Variants in TPRA1 observed in about 807,000 individuals in gnomAD.
TPRA1 encodes transmembrane protein adipocyte-associated 1.
In TPRA1, 28 loss-of-function variants were observed where a neutral mutation model predicts 40.1. The ratio of observed to expected loss-of-function variants is 0.70; its 90% CI spans 0.52 to 0.96. TPRA1 has a LOEUF of 0.96. Ranked by LOEUF, TPRA1 falls within the 40% of genes least tolerant of loss-of-function variation. The pLI, the probability that TPRA1 is intolerant of heterozygous loss-of-function variation, is 0.00. For missense variants in TPRA1, 441 were observed against 482.6 expected, an observed-to-expected ratio of 0.91 and a Z score of 0.81; for synonymous variants, 219 against 209.7, an observed-to-expected ratio of 1.04 and a Z score of -0.38.
chr3:127,595,288 A>T (rs1408634238), upstream of TPRA1, among the ~76,000 whole-genome samples: 1 of 152,030 alleles, frequency 6.6e-6, no homozygotes, highest in East Asian at 1.9e-4. Context: ...AGAACCTCTC[A>T]TCTGAGAAAA....
chr3:127,575,042 G>C, intron 10 of TPRA1, 143 bp downstream of exon 10: 1 of 841,698 alleles, frequency 1.2e-6, no homozygotes, highest in Non-Finnish European at 1.9e-6. Context: ...CTGTATGTGT[G>C]TGCCCAAGTG....
chr3:127,579,261 CA>C, intron 3 of TPRA1, among the ~76,000 whole-genome samples: 1 of 152,326 alleles, frequency 6.6e-6, no homozygotes, highest in Admixed American at 6.5e-5. Flanking sequence ...ATGCAGTGGG[CA>C]TTTTCCCCAC....
At chr3:127,589,800 C>T (rs528852833) in intron 1 of TPRA1, among the ~76,000 whole-genome samples, 1 of 152,316 alleles carries the variant, frequency 6.6e-6, no homozygotes, top group South Asian at 2.1e-4. Flanking sequence ...AGAACAAGGC[C>T]TGGCACGACA....
At chr3:127,589,007 T>C (rs115622485) in intron 1 of TPRA1, among the ~76,000 whole-genome samples, 4 of 151,986 alleles carry the variant, frequency 2.6e-5, no homozygotes, top group African/African-American at 9.6e-5. Flanking sequence ...TGAGAAGGGG[T>C]GGAGCCCAGG....
rs769384557 is a variant in TPRA1 at position 127,580,029 on chromosome 3, T to G, written c.118A>C (p.Thr40Pro). The G allele has an allele frequency of 5.1e-5, 83 of 1,613,294 alleles. No homozygotes were observed. Among genetic ancestry groups the G allele is most frequent in the Middle Eastern group, 3.3e-4 (2 of 6,084 alleles). The change falls in exon 2 of 11, where the codon ACC (threonine) becomes CCC (proline). Residue 40 changes from threonine to proline, a missense_variant. Coordinates refer to ENST00000355552, the MANE Select transcript of TPRA1 (RefSeq NM_001136053.4). The part of the protein sequence containing the change: ...CLLLLYEDIG[T>P]SRVRYWDLLL... ...GCGTTGTGACTGCCTCACCTGGAGG[T>G]GCCAATGTCTTCGTAGAGCAGCAGC...
At position 127,576,379 on chromosome 3, in the gene TPRA1, ACT is replaced by A. The variant is rs1317201168; in HGVS notation, c.498+236_498+237del. ...GCGGACCTGCACCATCCCTACCTGAACTCCTTATTAAAACGGCAAGTCCTGAG... is the reference window on the plus strand; with the variant it reads ...GCGGACCTGCACCATCCCTACCTGAACCTTATTAAAACGGCAAGTCCTGAG... On this transcript the variant is annotated intron_variant, in intron 6 of 10. Coordinates refer to ENST00000355552, the MANE Select transcript of TPRA1 (RefSeq NM_001136053.4). The surrounding 1 kb of genome is among the most constrained non-coding windows in gnomAD (Gnocchi z 4.6). Among the ~76,000 whole-genome samples the A allele has an allele frequency of 6.6e-6, 1 of 151,900 alleles. No individual in the cohort carries two copies. Among genetic ancestry groups the A allele is most frequent in the Non-Finnish European group, 1.5e-5 (1 of 67,960 alleles).
At chr3:127,574,447 TC>T (rs1308522726) in intron 10 of TPRA1, among the ~76,000 whole-genome samples, 1 of 152,202 alleles carries the variant, frequency 6.6e-6, no homozygotes, top group Non-Finnish European at 1.5e-5. Flanking sequence ...GTCTTCAGCA[TC>T]CCATCTCACA....
Position 127,573,617 on chromosome 3 carries a change from G to A in TPRA1, c.1026C>T (p.Gly342=), listed in dbSNP as rs199894576. ...CGATGTCATCCAGGTAGGCCACCCC[G>A]CCGGCAGAGTCGAACTGCGTGCTCG... ...SYSSTQFDSA[G]GVAYLDDIAS... Residue 342 remains glycine (G), a synonymous_variant, in exon 11 of 11, where the codon GGC becomes GGT. Coordinates refer to ENST00000355552, the MANE Select transcript of TPRA1 (RefSeq NM_001136053.4). 1.5e-4 allele frequency: 250 copies of A among 1,613,238 alleles called. No homozygotes were observed. The highest frequency in any genetic ancestry group is 6.5e-4 in the East Asian group (29 of 44,876).
At chr3:127,595,166 T>C (rs960073313), upstream of TPRA1, among the ~76,000 whole-genome samples, 4 of 152,184 alleles carry the variant, frequency 2.6e-5, no homozygotes, top group African/African-American at 7.2e-5. Context: ...CACACAAGGG[T>C]GTGAATACCA....
chr3:127,589,330 G>A (rs2074096173), intron 1 of TPRA1, among the ~76,000 whole-genome samples: 1 of 151,992 alleles, frequency 6.6e-6, no homozygotes, highest in African/African-American at 2.4e-5. Context: ...CCCACCCACA[G>A]CTACCGGATA....
Position 127,577,045 on chromosome 3 carries a change from C to T in TPRA1, c.290G>A (p.Arg97Gln), listed in dbSNP as rs145572251. ...VFVVALVGIA[R>Q]AVVSMTVSTS... is the part of the protein sequence containing the mutation. ...GCTCACCGTCATGGATACCACGGCCCGGGCAATGCCCACCAGCGCCACCAC... is the reference window on the plus strand; with the variant it reads ...GCTCACCGTCATGGATACCACGGCCTGGGCAATGCCCACCAGCGCCACCAC... The change falls in exon 4 of 11, where the codon CGG (arginine) becomes CAG (glutamine). Residue 97 changes from arginine (R) to glutamine (Q), a missense_variant. By Grantham distance (43) the Arg-to-Gln change is conservative. Transcript: ENST00000355552. 15 of 1,613,454 alleles carry T rather than the reference C, an allele frequency of 9.3e-6. No homozygotes were observed. The highest frequency in any genetic ancestry group is 5.0e-5 in the Admixed American group (3 of 60,014).
At chr3:127,592,373 T>TC (rs1368635856), upstream of TPRA1, among the ~76,000 whole-genome samples, 3 of 129,640 alleles carry the variant, frequency 2.3e-5, no homozygotes, top group Non-Finnish European at 5.0e-5. Flanking sequence ...TGCTGTTTTT[T>TC]TTTTTTTTTT....
intron 3 of TPRA1, among the ~76,000 whole-genome samples, chr3:127,577,403 C>G (rs759818962): frequency 6.6e-6 from 1 of 152,210 alleles, no homozygotes; most frequent in Non-Finnish European, 1.5e-5. Context: ...ACAAGCAGCA[C>G]GCTGCTGCTT....
intron 1 of TPRA1, among the ~76,000 whole-genome samples, chr3:127,589,406 TAGGGCCTA>T (rs2074099319): frequency 6.6e-6 from 1 of 151,044 alleles, no homozygotes; most frequent in African/African-American, 2.4e-5. Flanking sequence ...TTACAAACCC[TAGGGCCTA>T]AGGGTGGTGA....
At position 127,573,395 on chromosome 3, in the gene TPRA1, G is replaced by A; in HGVS notation, c.*126C>T. On this transcript the variant is annotated 3_prime_UTR_variant, in exon 11 of 11. Transcript: ENST00000355552. ...GGGAGGTGGGGCCTCCAGACTCATG[G>A]TGGGAACAGGGCCACACAGGGCTAC... 1 of 1,298,976 alleles carries A rather than the reference G, an allele frequency of 7.7e-7. No individual in the cohort carries two copies. Among genetic ancestry groups the A allele is most frequent in the Non-Finnish European group, 1.0e-6 (1 of 974,758 alleles). 80.5% of individuals were successfully genotyped at this position (1,298,976 alleles called of 1,614,324 possible).
chr3:127,586,161 C>A (rs963059833), intron 1 of TPRA1, among the ~76,000 whole-genome samples: 1 of 152,154 alleles, frequency 6.6e-6, no homozygotes, highest in Admixed American at 6.5e-5. Context: ...TCTTCCTGCA[C>A]CCCTGGAGGA....
chr3:127,575,813 C>T lies in TPRA1; in HGVS notation c.610-4G>A. The T allele has an allele frequency of 6.2e-7, 1 of 1,613,928 alleles. No homozygotes were observed. The highest frequency in any genetic ancestry group is 1.1e-5 in the South Asian group (1 of 91,088). On this transcript the variant is annotated splice_polypyrimidine_tract_variant and splice_region_variant and intron_variant, in intron 7 of 10. Coordinates refer to ENST00000355552, the MANE Select transcript of TPRA1 (RefSeq NM_001136053.4). Reference sequence around the variant, plus strand: ...GGATGACCACCAGAGAGTAGACCTACAGAGACAGGCAGGGCTGAGAAGGTG... The same window carrying T: ...GGATGACCACCAGAGAGTAGACCTATAGAGACAGGCAGGGCTGAGAAGGTG...
intron 1 of TPRA1, among the ~76,000 whole-genome samples, chr3:127,584,061 C>G (rs1158592380): frequency 6.6e-6 from 1 of 151,478 alleles, no homozygotes. Flanking sequence ...CGGAACAGAG[C>G]AGACAAGGCC....
chr3:127,586,855 C>A (rs769569227), intron 1 of TPRA1, among the ~76,000 whole-genome samples: 14 of 152,068 alleles, frequency 9.2e-5, no homozygotes, highest in Non-Finnish European at 1.6e-4. Flanking sequence ...GGAACAGGGG[C>A]AGGGAGTAGG....
Sources: gnomAD v4.1 joint callset for allele counts (sites outside exome capture counted in the v4.1 genomes callset) on GRCh38, gnomAD v4.1.1 for gene constraint, Gnocchi (gnomAD v3.1) non-coding constraint, MANE v1.5 for transcripts, NCBI Gene and HGNC (gene_info 2026-07-23, HGNC 2026-07-21) for gene names.